UBN2: variants seen among roughly 807,000 people sequenced by gnomAD.
UBN2 encodes the protein ubinuclein-2.
UBN2 carries 35 observed loss-of-function variants against 120.2 expected under a neutral mutation model. The observed-to-expected ratio is 0.29, with a 90% CI of 0.22 to 0.39. The LOEUF is 0.39. UBN2 is among the 10% of genes least tolerant of loss of function. The probability of loss-of-function intolerance (pLI) is 1.00; values close to 1 mark genes in which losing one functional copy is unlikely to be tolerated. For synonymous variants in UBN2, 661 were observed against 648.7 expected, an observed-to-expected ratio of 1.02 and a Z score of -0.29; for missense variants, 1,693 against 1,663.2, an observed-to-expected ratio of 1.02 and a Z score of -0.31.
downstream of UBN2, among the ~76,000 whole-genome samples, chr7:139,312,376 T>C (rs1033901543): frequency 9.2e-5 from 14 of 152,352 alleles, no homozygotes; most frequent in Admixed American, 4.6e-4. Context: ...GTGTTGCTTC[T>C]TACTGCTACA....
At chr7:139,314,390 G>C in the UBN2 span, among the ~76,000 whole-genome samples, 1 of 149,094 alleles carries the variant, frequency 6.7e-6, no homozygotes. Flanking sequence ...GGGAGGCAGA[G>C]AGAGGTTGCA....
chr7:139,268,592 A>G (rs531874839), intron 7 of UBN2, among the ~76,000 whole-genome samples: 1 of 152,070 alleles, frequency 6.6e-6, no homozygotes, highest in Non-Finnish European at 1.5e-5. Flanking sequence ...CTTGCCTACT[A>G]CCTAGAGCAG....
chr7:139,252,561 C>T (rs1319022034), intron 3 of UBN2, among the ~76,000 whole-genome samples: 2 of 152,030 alleles, frequency 1.3e-5, no homozygotes, highest in African/African-American at 2.4e-5. Flanking sequence ...AAATCCATTT[C>T]TAGCTTGCAA....
chr7:139,242,214 T>C (rs190092260), intron 2 of UBN2, among the ~76,000 whole-genome samples: 2 of 152,372 alleles, frequency 1.3e-5, no homozygotes, highest in Admixed American at 6.5e-5. Flanking sequence ...GTGAAACTGA[T>C]ACCAAGTAGT....
At chr7:139,246,090 C>T (rs910108443) in intron 2 of UBN2, among the ~76,000 whole-genome samples, 3 of 152,216 alleles carry the variant, frequency 2.0e-5, no homozygotes, top group South Asian at 2.1e-4. Context: ...AGAGGCCAGG[C>T]GCGGTGGCTC....
Position 139,266,399 on chromosome 7 carries a change from C to T in UBN2, c.1462C>T (p.Leu488=), listed in dbSNP as rs374681292. ...FFTQDMNNIL[L]DIELQLQELG... is the part of the protein sequence containing the mutation. ...TACACAGGATATGAATAATATTCTT[C>T]TGGAGTAAGTAATTTTCTTTAAAAA... Residue 488 remains leucine (L), a synonymous_variant, in exon 7 of 18, where the codon CTG becomes TTG. Coordinates refer to ENST00000473989, the MANE Select transcript of UBN2 (RefSeq NM_173569.4). The T allele has an allele frequency of 3.3e-5, 49 of 1,491,802 alleles. No individual in the cohort carries two copies. The highest frequency in any genetic ancestry group is 4.3e-5 in the Non-Finnish European group (47 of 1,091,396). The allele number at this position is 1,491,802 out of a possible 1,614,324, so 92.4% of individuals were successfully genotyped here. A position where few individuals can be genotyped will look rare whatever the true frequency, so the allele number is the denominator to read the frequency against.
chr7:139,240,236 C>A (rs1796279424), intron 2 of UBN2, among the ~76,000 whole-genome samples: 1 of 151,374 alleles, frequency 6.6e-6, no homozygotes, highest in African/African-American at 2.4e-5. Flanking sequence ...TGTATATTAA[C>A]CAAAAAGCAT....
At chr7:139,322,443 A>G in the UBN2 span, among the ~76,000 whole-genome samples, 3 of 152,172 alleles carry the variant, frequency 2.0e-5, no homozygotes, top group Non-Finnish European at 4.4e-5. Context: ...CTTTTTGTTC[A>G]TACCTTAGCT....
the UBN2 span, among the ~76,000 whole-genome samples, chr7:139,315,747 C>A: frequency 6.6e-6 from 1 of 152,070 alleles, no homozygotes; most frequent in African/African-American, 2.4e-5. Flanking sequence ...TTTACATACC[C>A]ACCAGCAATG....
At chr7:139,324,570 A>AAG in the UBN2 span, among the ~76,000 whole-genome samples, 5,173 of 148,014 alleles carry the variant, frequency 0.035, 124 homozygotes, top group African/African-American at 0.055. Context: ...AAAAAAAAAA[A>AAG]AAAAAGAAAA....
downstream of UBN2, among the ~76,000 whole-genome samples, chr7:139,311,934 C>G (rs919516441): frequency 6.6e-6 from 1 of 152,228 alleles, no homozygotes; most frequent in Non-Finnish European, 1.5e-5. Context: ...CTCTGCCATT[C>G]CAAGGGCCTG....
At chr7:139,262,948 C>T (rs142053514) in intron 6 of UBN2, among the ~76,000 whole-genome samples, 1 of 151,960 alleles carries the variant, frequency 6.6e-6, no homozygotes, top group Non-Finnish European at 1.5e-5. Flanking sequence ...TAATAGCTAT[C>T]GTTTATTTAG....
rs546196143 is a variant in UBN2, at chr7:139,298,079, C to T, written c.*243C>T. 6 of 454,514 alleles carry T rather than the reference C, an allele frequency of 1.3e-5. No homozygotes were observed. The highest frequency in any genetic ancestry group is 7.0e-5 in the East Asian group (2 of 28,698). The allele number at this position is 454,514 out of a possible 1,614,324, so 28.2% of individuals were successfully genotyped here. On this transcript the variant is annotated 3_prime_UTR_variant, in exon 18 of 18. Coordinates refer to ENST00000473989, the MANE Select transcript of UBN2 (RefSeq NM_173569.4). ...TCTCTTCTAAAGAATGACAGAGTTACCGTATTAACAGACTTGAAAGAGACT... is the reference window on the plus strand; with the variant it reads ...TCTCTTCTAAAGAATGACAGAGTTATCGTATTAACAGACTTGAAAGAGACT...
At chr7:139,324,591 G>T in the UBN2 span, among the ~76,000 whole-genome samples, 4 of 148,796 alleles carry the variant, frequency 2.7e-5, no homozygotes, top group Non-Finnish European at 5.9e-5. Flanking sequence ...AGAAACTTAT[G>T]CTATGAAGAG....
chr7:139,294,851 T>A (rs1361473582), intron 17 of UBN2, among the ~76,000 whole-genome samples: 1 of 151,952 alleles, frequency 6.6e-6, no homozygotes, highest in African/African-American at 2.4e-5. Flanking sequence ...AAAAAAAAAA[T>A]TAATATGATC....
In UBN2 at chr7:139,283,851, T is replaced by C; in HGVS notation, c.2946T>C (p.Leu982=). 1 of 1,614,096 alleles carries C rather than the reference T, an allele frequency of 6.2e-7. No individual in the cohort carries two copies. Among genetic ancestry groups the C allele is most frequent in the East Asian group, 2.2e-5 (1 of 44,874 alleles). ...KTSDKPLMYR[L]PLSTPSPGNG... ...CAGATAAGCCACTTATGTACCGCCT[T>C]CCCTTATCTACCCCCTCACCTGGAA... The change falls in exon 15 of 18, where the codon CTT becomes CTC. Residue 982 remains leucine (L), a synonymous_variant. Transcript: ENST00000473989.
intron 17 of UBN2, among the ~76,000 whole-genome samples, chr7:139,294,583 G>A (rs530689973): frequency 1.3e-5 from 2 of 152,346 alleles, no homozygotes; most frequent in South Asian, 2.1e-4. Context: ...GCTCACTCCT[G>A]TAATCCCAGC....
intron 15 of UBN2, among the ~76,000 whole-genome samples, chr7:139,289,556 CA>C (rs2131054791): frequency 6.6e-6 from 1 of 151,910 alleles, no homozygotes; most frequent in African/African-American, 2.4e-5. Context: ...GGATTACAGG[CA>C]GACGCCACCA....
chr7:139,272,533 T>G, intron 9 of UBN2, 93 bp downstream of exon 9: 1 of 872,082 alleles, frequency 1.1e-6, no homozygotes, highest in Non-Finnish European at 1.7e-6. Context: ...TATGTATGTA[T>G]GTATGTATTT....
Sources: gnomAD v4.1 joint callset for allele counts (sites outside exome capture counted in the v4.1 genomes callset) on GRCh38, gnomAD v4.1.1 for gene constraint, MANE v1.5 for transcripts, NCBI Gene and HGNC (gene_info 2026-07-23, HGNC 2026-07-21) for gene names.